Variants in UVRAG observed in about 807,000 individuals in gnomAD.
The protein encoded by UVRAG is UV radiation resistance associated, also known as UV radiation resistance-associated gene protein.
In UVRAG, 19 loss-of-function variants were observed where a neutral mutation model predicts 78.0. The ratio of observed to expected loss-of-function variants is 0.24; its 90% CI spans 0.17 to 0.36. The LOEUF is 0.36. Ranked by LOEUF, UVRAG falls within the 10% of genes least tolerant of loss-of-function variation. The probability of loss-of-function intolerance (pLI) is 1.00; values close to 1 mark genes in which losing one functional copy is unlikely to be tolerated. For synonymous variants in UVRAG, 323 were observed against 324.6 expected (o/e 1.00, Z 0.05); for missense variants, 740 against 853.8 (o/e 0.87, Z 1.66).
At chr11:76,134,990 G>A (rs1952575879) in intron 14 of UVRAG, among the ~76,000 whole-genome samples, 2 of 152,130 alleles carry the variant, frequency 1.3e-5, no homozygotes, top group Non-Finnish European at 2.9e-5. Context: ...CATGGTATTA[G>A]ACTCTCATAG....
chr11:75,907,830 T>G (rs1318578250), intron 5 of UVRAG, among the ~76,000 whole-genome samples: 2 of 152,154 alleles, frequency 1.3e-5, no homozygotes, highest in Admixed American at 1.3e-4. Context: ...TTGATTTTCA[T>G]GTATCGAAAT....
rs557949882 is a variant in UVRAG, at chr11:75,918,372, C to G, written c.593+6333C>G. 6.0e-5 allele frequency among the ~76,000 whole-genome samples: 9 copies of G among 148,822 alleles called. No individual in the cohort carries two copies. The East Asian group carries it at 1.6e-3, about 26-fold the overall frequency. ...CAGTCTGAGCAACAGAGCGAGACTCCGTCTCAGAAAAAAAAAAAAAAAAGA... is the reference window on the plus strand; with the variant it reads ...CAGTCTGAGCAACAGAGCGAGACTCGGTCTCAGAAAAAAAAAAAAAAAAGA... On this transcript the variant is annotated intron_variant, in intron 6 of 14. Transcript: ENST00000356136.
intron 6 of UVRAG, among the ~76,000 whole-genome samples, chr11:75,918,422 G>A (rs1466571534): frequency 6.6e-6 from 1 of 151,796 alleles, no homozygotes; most frequent in Non-Finnish European, 1.5e-5. Context: ...TACTCGCTGG[G>A]CTTAGAAAGC....
chr11:75,997,613 G>A (rs1949731999), intron 8 of UVRAG, among the ~76,000 whole-genome samples: 1 of 152,134 alleles, frequency 6.6e-6, no homozygotes, highest in Non-Finnish European at 1.5e-5. Context: ...CCATGGTAAT[G>A]GTAGAAACAA....
At chr11:75,971,233 T>C (rs1330435758) in intron 7 of UVRAG, among the ~76,000 whole-genome samples, 1 of 152,252 alleles carries the variant, frequency 6.6e-6, no homozygotes, top group Non-Finnish European at 1.5e-5. Context: ...TACCACAGTT[T>C]ATCTGTTGAC....
intron 14 of UVRAG, among the ~76,000 whole-genome samples, chr11:76,134,022 C>T (rs747646096): frequency 6.8e-6 from 1 of 147,770 alleles, no homozygotes; most frequent in Non-Finnish European, 1.5e-5. Context: ...ACTGCAATCT[C>T]GGTTCACGCA....
At chr11:75,982,656 G>C (rs1251773724) in intron 7 of UVRAG, among the ~76,000 whole-genome samples, 4 of 152,196 alleles carry the variant, frequency 2.6e-5, no homozygotes, top group African/African-American at 9.7e-5. Context: ...AAACGGGCAG[G>C]GGGGTTAGAG....
intron 1 of UVRAG, among the ~76,000 whole-genome samples, chr11:75,819,717 C>T (rs1289803996): frequency 1.3e-5 from 2 of 151,672 alleles, no homozygotes; most frequent in Admixed American, 6.6e-5. Flanking sequence ...GCCTCTAATA[C>T]CAGCACTTTG....
chr11:75,824,530 A>G (rs1465035758), intron 1 of UVRAG, among the ~76,000 whole-genome samples: 1 of 152,156 alleles, frequency 6.6e-6, no homozygotes, highest in Non-Finnish European at 1.5e-5. Flanking sequence ...AATTGAAACT[A>G]ATAAGTTGGG....
rs146610556 is a variant in UVRAG, at chr11:76,033,513, A to G, written c.1226+16533A>G. On this transcript the variant is annotated intron_variant, in intron 12 of 14. Transcript: ENST00000356136. Reference sequence around the variant, plus strand: ...GATTTCTTAACTAAATCACAGAAACAAGACCATATTATGAGAAATGGTCTA... The same window carrying G: ...GATTTCTTAACTAAATCACAGAAACGAGACCATATTATGAGAAATGGTCTA... 5.7e-3 allele frequency among the ~76,000 whole-genome samples: 868 copies of G among 152,308 alleles called. 9 individuals are homozygous for G. The highest frequency in any genetic ancestry group is 0.019 in the African/African-American group (809 of 41,578).
At chr11:76,127,789 T>C (rs1282415500) in intron 14 of UVRAG, among the ~76,000 whole-genome samples, 1 of 152,180 alleles carries the variant, frequency 6.6e-6, no homozygotes, top group Non-Finnish European at 1.5e-5. Flanking sequence ...AAACCCCATC[T>C]GTACTAAAAA....
At chr11:75,917,435 T>TG (rs1483592352) in intron 6 of UVRAG, among the ~76,000 whole-genome samples, 1 of 152,266 alleles carries the variant, frequency 6.6e-6, no homozygotes, top group Non-Finnish European at 1.5e-5. Context: ...GGTTAATTGT[T>TG]GGAGTTCCTT....
intron 14 of UVRAG, among the ~76,000 whole-genome samples, chr11:76,133,546 TCATGGCAAGGTATTTG>T (rs966119635): frequency 2.0e-5 from 3 of 152,304 alleles, no homozygotes; most frequent in South Asian, 2.1e-4. Context: ...TGGGTTGGCT[TCATGGCAAGGTATTTG>T]CATGGCAAGG....
chr11:75,923,702 C>T (rs1948027593), intron 6 of UVRAG, among the ~76,000 whole-genome samples: 1 of 152,118 alleles, frequency 6.6e-6, no homozygotes, highest in South Asian at 2.1e-4. Flanking sequence ...GTACTCATCG[C>T]TCTGTCCATT....
chr11:75,938,550 A>G (rs117200867), intron 6 of UVRAG, among the ~76,000 whole-genome samples: 70 of 152,284 alleles, frequency 4.6e-4, no homozygotes, highest in Non-Finnish European at 9.1e-4. Flanking sequence ...CTCAGCCTGT[A>G]CTAGAGCAGC....
intron 8 of UVRAG, among the ~76,000 whole-genome samples, chr11:75,992,037 A>G (rs1949617505): frequency 6.6e-6 from 1 of 152,122 alleles, no homozygotes; most frequent in South Asian, 2.1e-4. Flanking sequence ...TAAAGATACT[A>G]TTATTATCCT....
chr11:75,987,213 A>G (rs912415475), intron 8 of UVRAG, among the ~76,000 whole-genome samples: 13 of 152,250 alleles, frequency 8.5e-5, no homozygotes, highest in Middle Eastern at 3.4e-3. Context: ...TTACATTCCT[A>G]CCAACAATAT....
chr11:76,092,669 A>G (rs1951721998), intron 13 of UVRAG, among the ~76,000 whole-genome samples: 1 of 151,854 alleles, frequency 6.6e-6, no homozygotes. Context: ...TCCTTCACCC[A>G]CTTTTTGATG....
At position 76,141,048 on chromosome 11, in the gene UVRAG, G is replaced by A. The variant is rs140800355; in HGVS notation, c.1735G>A (p.Val579Met). The A allele has an allele frequency of 2.6e-5, 42 of 1,614,038 alleles. 1 individual carries two copies. Among genetic ancestry groups the A allele is most frequent in the Middle Eastern group, 3.3e-4 (2 of 6,084 alleles). ...CAGCTTAAACGGAGGCCACGCGAAT[G>A]TGCACCCTAGCCAAGAACAAGGAGA... ...VGSLNGGHAN[V>M]HPSQEQGEAL... The change falls in exon 15 of 15, where the codon GTG (valine) becomes ATG (methionine). Residue 579 changes from valine (V) to methionine (M), a missense_variant. Val to Met is a conservative substitution (Grantham distance 21). Coordinates refer to ENST00000356136, the MANE Select transcript of UVRAG (RefSeq NM_003369.4).
Sources: allele counts gnomAD v4.1 joint callset (sites outside exome capture counted in the v4.1 genomes callset), GRCh38; gene constraint gnomAD v4.1.1; transcripts MANE v1.5; gene names NCBI Gene and HGNC (gene_info 2026-07-23, HGNC 2026-07-21).